The following WWOX variants were observed in gnomAD, a reference collection of about 807,000 sequenced individuals.
WWOX encodes WW domain-containing oxidoreductase.
WWOX carries 69 observed loss-of-function variants against 46.2 expected under a neutral mutation model. The observed-to-expected ratio is 1.49, with a 90% CI of 1.23 to 1.82. The LOEUF (loss-of-function observed/expected upper bound fraction) is 1.82. WWOX is among the 40% of genes most tolerant of loss of function. The pLI is 0.00. For missense variants in WWOX, 919 were observed against 542.6 expected (o/e 1.69, Z -6.89); for synonymous variants, 359 against 202.6 (o/e 1.77, Z -6.56).
At chr16:78,753,173 G>A (rs748089182) in intron 8 of WWOX, among the ~76,000 whole-genome samples, 3 of 152,094 alleles carry the variant, frequency 2.0e-5, no homozygotes, top group Non-Finnish European at 2.9e-5. Context: ...GGGGGCAGGC[G>A]CCTGTAATCC....
chr16:78,302,021 C>G (rs1407175425), intron 5 of WWOX, among the ~76,000 whole-genome samples: 1 of 151,198 alleles, frequency 6.6e-6, no homozygotes, highest in African/African-American at 2.4e-5. Context: ...AGTGCGATGG[C>G]ACAATCTCAG....
intron 5 of WWOX, among the ~76,000 whole-genome samples, chr16:78,289,752 A>G (rs1431425720): frequency 6.6e-6 from 1 of 152,230 alleles, no homozygotes; most frequent in Admixed American, 6.5e-5. Context: ...GTTTTCTTTT[A>G]TACTGGCTAG....
At chr16:78,826,452 C>G (rs923392914) in intron 8 of WWOX, among the ~76,000 whole-genome samples, 2 of 152,216 alleles carry the variant, frequency 1.3e-5, no homozygotes, top group Non-Finnish European at 2.9e-5. Context: ...AGAATCTGTT[C>G]CTTGCATCTT....
chr16:78,263,978 T>C (rs943787337), intron 5 of WWOX, among the ~76,000 whole-genome samples: 4 of 148,006 alleles, frequency 2.7e-5, no homozygotes, highest in Non-Finnish European at 4.5e-5. Context: ...CAAAGAAATA[T>C]GTGTTTGGCT....
intron 8 of WWOX, among the ~76,000 whole-genome samples, chr16:78,659,931 G>A (rs1435073082): frequency 6.6e-6 from 1 of 152,128 alleles, no homozygotes; most frequent in Non-Finnish European, 1.5e-5. Flanking sequence ...GTCACCACCA[G>A]AAATTTAACA....
intron 8 of WWOX, among the ~76,000 whole-genome samples, chr16:79,089,357 A>AGT (rs1441723482): frequency 2.1e-5 from 3 of 146,266 alleles, no homozygotes; most frequent in Non-Finnish European, 4.5e-5. Flanking sequence ...TTTGAGGCAG[A>AGT]GTCTAGCTCT....
At chr16:78,185,467 A>C (rs1597324676) in intron 5 of WWOX, among the ~76,000 whole-genome samples, 1 of 151,692 alleles carries the variant, frequency 6.6e-6, no homozygotes. Context: ...GAACTTTTTC[A>C]AGTTGAACTG....
chr16:78,999,607 A>G (rs756265938), intron 8 of WWOX, among the ~76,000 whole-genome samples: 15 of 152,220 alleles, frequency 9.9e-5, no homozygotes, highest in African/African-American at 3.6e-4. Context: ...AAGAAATTTT[A>G]GGAATACTTT....
chr16:78,198,589 C>A (rs2036132080), intron 5 of WWOX, among the ~76,000 whole-genome samples: 1 of 152,144 alleles, frequency 6.6e-6, no homozygotes, highest in South Asian at 2.1e-4. Flanking sequence ...GCTCTCGTGG[C>A]TGCTTCCTGT....
At chr16:79,036,477 A>C (rs949052741) in intron 8 of WWOX, among the ~76,000 whole-genome samples, 69 of 152,354 alleles carry the variant, frequency 4.5e-4, no homozygotes, top group African/African-American at 1.6e-3. Context: ...GGCCTTTGAC[A>C]AACCCTCCTA....
At chr16:78,660,259 C>G (rs992125137) in intron 8 of WWOX, among the ~76,000 whole-genome samples, 6 of 152,114 alleles carry the variant, frequency 3.9e-5, no homozygotes, top group Non-Finnish European at 1.5e-5. Context: ...TAGATGCGGA[C>G]TGGCCACTGT....
At position 78,455,559 on chromosome 16, in the gene WWOX, C is replaced by T. The variant is rs373753498; in HGVS notation, c.1056+22807C>T. 1.3e-4 allele frequency among the ~76,000 whole-genome samples: 18 copies of T among 139,262 alleles called. 1 individual carries two copies. The East Asian group carries it at 4.0e-3, about 31-fold the overall frequency. 91.4% of individuals were successfully genotyped at this position (139,262 alleles called of 152,430 possible). On this transcript the variant is annotated intron_variant, in intron 8 of 8. Coordinates refer to ENST00000566780, the MANE Select transcript of WWOX (RefSeq NM_016373.4). ...TCTGGATGCTGAGGCACGAGAATTG[C>T]TTGAACCTGGGAGTAGGAGGCTGCA...
intron 5 of WWOX, among the ~76,000 whole-genome samples, chr16:78,297,827 G>A (rs1375179778): frequency 6.6e-6 from 1 of 151,824 alleles, no homozygotes; most frequent in Non-Finnish European, 1.5e-5. Context: ...CAAGGAAACT[G>A]TGCAGGAGTT....
intron 8 of WWOX, among the ~76,000 whole-genome samples, chr16:78,887,082 GTGTGTGT>G (rs1567627176): frequency 0.037 from 476 of 12,890 alleles, 7 homozygotes; most frequent in South Asian, 0.22. Context: ...TGTGTGGTGT[GTGTGTGT>G]GTGTGTGTGT....
At chr16:78,646,418 G>A (rs375115664) in intron 8 of WWOX, among the ~76,000 whole-genome samples, 17 of 151,946 alleles carry the variant, frequency 1.1e-4, no homozygotes, top group East Asian at 7.8e-4. Context: ...AACACTCAAC[G>A]CAATTTATAT....
At chr16:79,130,051 G>C (rs1022355819) in intron 8 of WWOX, among the ~76,000 whole-genome samples, 1 of 152,112 alleles carries the variant, frequency 6.6e-6, no homozygotes, top group Non-Finnish European at 1.5e-5. Context: ...TTAATTAATG[G>C]GTGTATTTAT....
intron 5 of WWOX, among the ~76,000 whole-genome samples, chr16:78,358,690 G>C (rs1018635060): frequency 2.3e-5 from 3 of 131,946 alleles, no homozygotes; most frequent in African/African-American, 8.1e-5. Context: ...GTGTGTGTGT[G>C]TGTGTATGTA....
intron 8 of WWOX, among the ~76,000 whole-genome samples, chr16:78,975,419 A>G (rs191103244): frequency 2.6e-4 from 40 of 151,076 alleles, no homozygotes; most frequent in Admixed American, 1.3e-3. Flanking sequence ...TGAAAATAAC[A>G]CTGGAGGTAA....
chr16:79,134,680 G>A (rs921972869), intron 8 of WWOX, among the ~76,000 whole-genome samples: 4 of 152,104 alleles, frequency 2.6e-5, no homozygotes, highest in African/African-American at 9.7e-5. Flanking sequence ...TCTTCACAAG[G>A]ACATTCTTAT....
Sources: allele counts gnomAD v4.1 joint callset (sites outside exome capture counted in the v4.1 genomes callset), GRCh38; gene constraint gnomAD v4.1.1; transcripts MANE v1.5; gene names NCBI Gene and HGNC (gene_info 2026-07-23, HGNC 2026-07-21).